Variants in CYLC2 observed in about 807,000 individuals in gnomAD.
The protein encoded by CYLC2 is cylicin 2, also known as cylicin-2.
A neutral mutation model predicts 26.1 loss-of-function variants in CYLC2; 30 were observed. That is an observed-to-expected ratio of 1.15 (90% CI 0.86 to 1.56). The LOEUF (loss-of-function observed/expected upper bound fraction) is 1.56. CYLC2 is among the 40% of genes most tolerant of loss of function. CYLC2 has a pLI of 0.00. For missense variants in CYLC2, 498 were observed against 394.4 expected, an observed-to-expected ratio of 1.26 and a Z score of -2.23; for synonymous variants, 158 against 132.8, an observed-to-expected ratio of 1.19 and a Z score of -1.31.
Position 103,006,017 on chromosome 9 carries a change from GACAC to G in CYLC2, c.*391_*394del, listed in dbSNP as rs201304746. On this transcript the variant is annotated 3_prime_UTR_variant, in exon 5 of 8. Coordinates refer to ENST00000374798, the MANE Select transcript of CYLC2 (RefSeq NM_001340.5). Reference sequence around the variant, plus strand: ...TGAAGATAATGACACTAAATCTATGGACACACACACACACACACACACACACACA... The same window carrying G: ...TGAAGATAATGACACTAAATCTATGGACACACACACACACACACACACACA... 7,386 of 119,582 alleles carry G rather than the reference GACAC, an allele frequency of 0.062. 258 individuals are homozygous for G. The highest frequency in any genetic ancestry group is 0.075 in the Non-Finnish European group (4,495 of 59,706). 7.4% of individuals were successfully genotyped at this position (119,582 alleles called of 1,614,324 possible). A position where few individuals can be genotyped will look rare whatever the true frequency, so the allele number is the denominator to read the frequency against.
intron 7 of CYLC2, among the ~76,000 whole-genome samples, chr9:103,017,163 G>A (rs62576158): frequency 0.092 from 13,938 of 151,832 alleles, 932 homozygotes; most frequent in Non-Finnish European, 0.13. Flanking sequence ...GGCTAAGCAT[G>A]ATAGTAAAGA....
intron 5 of CYLC2, among the ~76,000 whole-genome samples, chr9:103,009,046 T>C (rs910900442): frequency 6.6e-6 from 1 of 152,184 alleles, no homozygotes; most frequent in Non-Finnish European, 1.5e-5. Context: ...ACTTGTTGCA[T>C]TGGATTTTTA....
chr9:102,998,380 G>T (rs566902324), intron 1 of CYLC2, among the ~76,000 whole-genome samples: 1 of 151,810 alleles, frequency 6.6e-6, no homozygotes, highest in African/African-American at 2.4e-5. Context: ...GATATACTAA[G>T]TTTATTTTCA....
chr9:103,004,444 C>G (rs1263256724), intron 3 of CYLC2, among the ~76,000 whole-genome samples: 2 of 152,044 alleles, frequency 1.3e-5, no homozygotes, highest in South Asian at 4.1e-4. Flanking sequence ...CAATTTGAAC[C>G]TAAAATCCCG....
intron 6 of CYLC2, among the ~76,000 whole-genome samples, chr9:103,013,405 A>G (rs1829440170): frequency 9.6e-6 from 1 of 103,894 alleles, no homozygotes; most frequent in Non-Finnish European, 1.7e-5. Context: ...ATATAAATAT[A>G]TATTTAATAT....
At chr9:103,008,229 T>C (rs1157162175) in intron 5 of CYLC2, among the ~76,000 whole-genome samples, 1 of 152,098 alleles carries the variant, frequency 6.6e-6, no homozygotes, top group Non-Finnish European at 1.5e-5. Flanking sequence ...TAATGTAAAA[T>C]GACAGAAAAA....
chr9:103,017,509 T>C (rs1359546391), intron 7 of CYLC2, among the ~76,000 whole-genome samples: 2 of 152,078 alleles, frequency 1.3e-5, no homozygotes, highest in East Asian at 1.9e-4. Flanking sequence ...TTTTCAATTA[T>C]GTTTAGCAAG....
At chr9:103,002,134 G>T (rs1248351157) in intron 2 of CYLC2, among the ~76,000 whole-genome samples, 1 of 151,840 alleles carries the variant, frequency 6.6e-6, no homozygotes, top group Non-Finnish European at 1.5e-5. Context: ...AAAACTCATA[G>T]GAAATGTCTA....
At chr9:102,999,770 G>C (rs554406004) in intron 1 of CYLC2, among the ~76,000 whole-genome samples, 3 of 151,640 alleles carry the variant, frequency 2.0e-5, no homozygotes, top group African/African-American at 7.3e-5. Context: ...TGATTGCATT[G>C]GTTGATTTTA....
chr9:102,997,207 G>T (rs1414854073), intron 1 of CYLC2, among the ~76,000 whole-genome samples: 1 of 151,764 alleles, frequency 6.6e-6, no homozygotes, highest in Non-Finnish European at 1.5e-5. Flanking sequence ...AGTAGGTGCT[G>T]GGGGTAGGGG....
rs10119620 is a variant in CYLC2 at position 103,006,146 on chromosome 9, C to A, written c.*468C>A. On this transcript the variant is annotated 3_prime_UTR_variant, in exon 5 of 8. Transcript: ENST00000374798. ...GATTTAAAATAATCTCAAGCTGCAT[C>A]CACAGATACAAAAAAATATAGGAGC... 668 of 148,488 alleles carry A rather than the reference C, an allele frequency of 4.5e-3. 6 individuals carry two copies. The highest frequency in any genetic ancestry group is 0.016 in the African/African-American group (638 of 40,046). The allele number at this position is 148,488 out of a possible 1,614,324, so 9.2% of individuals were successfully genotyped here. A position where few individuals can be genotyped will look rare whatever the true frequency, so the allele number is the denominator to read the frequency against.
At chr9:103,012,379 A>G (rs1829416601) in intron 6 of CYLC2, among the ~76,000 whole-genome samples, 1 of 152,202 alleles carries the variant, frequency 6.6e-6, no homozygotes, top group Middle Eastern at 3.4e-3. Flanking sequence ...ACAATGCCTC[A>G]TTAGTAAATA....
intron 6 of CYLC2, among the ~76,000 whole-genome samples, chr9:103,016,249 C>T (rs1829504853): frequency 6.6e-6 from 1 of 151,720 alleles, no homozygotes; most frequent in African/African-American, 2.4e-5. Context: ...TTGGGAACAA[C>T]TTAAATAAAA....
rs1465079946 is a variant in CYLC2 at position 103,006,019 on chromosome 9, C to G, written c.*341C>G. ...AAGATAATGACACTAAATCTATGGA[C>G]ACACACACACACACACACACACACA... On this transcript the variant is annotated 3_prime_UTR_variant, in exon 5 of 8. Coordinates refer to ENST00000374798, the MANE Select transcript of CYLC2 (RefSeq NM_001340.5). 9.3e-5 allele frequency: 2 copies of G among 21,608 alleles called. No homozygotes were observed. The highest frequency in any genetic ancestry group is 5.0e-4 in the African/African-American group (2 of 4,004). The allele number at this position is 21,608 out of a possible 1,614,324, so 1.3% of individuals were successfully genotyped here. A position where few individuals can be genotyped will look rare whatever the true frequency, so the allele number is the denominator to read the frequency against.
At chr9:103,014,202 T>C (rs1170099760) in intron 6 of CYLC2, among the ~76,000 whole-genome samples, 1 of 123,460 alleles carries the variant, frequency 8.1e-6, no homozygotes, top group Admixed American at 9.2e-5. Flanking sequence ...ATAATATGAA[T>C]ATTATATATC....
At position 103,001,575 on chromosome 9, in the gene CYLC2, T is replaced by C. The variant is rs939340996; in HGVS notation, c.18-3T>C. On this transcript the variant is annotated splice_polypyrimidine_tract_variant and splice_region_variant and intron_variant, in intron 1 of 7. Transcript: ENST00000374798. Reference sequence around the variant, plus strand: ...CTAAAACCTTTCTTTTTTGTTTTAATAGCCAAAGAGTAAACTTTGGGCCAT... The same window carrying C: ...CTAAAACCTTTCTTTTTTGTTTTAACAGCCAAAGAGTAAACTTTGGGCCAT... 2.6e-6 allele frequency: 4 copies of C among 1,535,256 alleles called. No individual in the cohort carries two copies. The highest frequency in any genetic ancestry group is 3.6e-5 in the Admixed American group (2 of 55,774).
At chr9:102,995,617 A>G (rs1829229334) in intron 1 of CYLC2, among the ~76,000 whole-genome samples, 1 of 151,840 alleles carries the variant, frequency 6.6e-6, no homozygotes, top group Non-Finnish European at 1.5e-5. Flanking sequence ...CTGGCTTTGG[A>G]TAAGTCTTTT....
At chr9:103,014,508 TAATATACATAATATATGC>T (rs976066483) in intron 6 of CYLC2, among the ~76,000 whole-genome samples, 5 of 137,858 alleles carry the variant, frequency 3.6e-5, no homozygotes, top group African/African-American at 1.3e-4. Flanking sequence ...ATAATATATG[TAATATACATAATATATGC>T]AATATACATC....
At chr9:103,015,993 T>C (rs373303280) in intron 6 of CYLC2, among the ~76,000 whole-genome samples, 4 of 150,386 alleles carry the variant, frequency 2.7e-5, no homozygotes, top group South Asian at 4.2e-4. Context: ...TACATATGTA[T>C]GTGTATATGT....
Sources: allele counts gnomAD v4.1 joint callset (sites outside exome capture counted in the v4.1 genomes callset), GRCh38; gene constraint gnomAD v4.1.1; transcripts MANE v1.5; gene names NCBI Gene and HGNC (gene_info 2026-07-23, HGNC 2026-07-21).